Variants in PDK1 observed in about 807,000 individuals in gnomAD.
PDK1 encodes pyruvate dehydrogenase kinase 1, also known as [Pyruvate dehydrogenase (acetyl-transferring)] kinase isozyme 1, mitochondrial.
Under a neutral mutation model 54.2 loss-of-function variants are expected in PDK1, and 39 were observed. The observed-to-expected ratio is 0.72, with a 90% CI of 0.56 to 0.94. The LOEUF is 0.94. Ranked by LOEUF, PDK1 falls within the 40% of genes least tolerant of loss-of-function variation. The probability of loss-of-function intolerance (pLI) is 0.00; values close to 1 mark genes in which losing one functional copy is unlikely to be tolerated. For missense variants in PDK1, 552 were observed against 566.0 expected (o/e 0.98, Z 0.25); for synonymous variants, 221 against 207.1 (o/e 1.07, Z -0.58).
chr2:172,602,319 A>G lies in PDK1; in HGVS notation c.*6350A>G, dbSNP rs1235015526. 6.6e-6 allele frequency: 1 copy of G among 152,228 alleles called. No individual in the cohort carries two copies. The highest frequency in any genetic ancestry group is 2.4e-5 in the African/African-American group (1 of 41,454). The allele number at this position is 152,228 out of a possible 1,614,324, so 9.4% of individuals were successfully genotyped here. Reference sequence around the variant, plus strand: ...AAGGAGAATCTTTCCCAGGAACAGGAGGATGTTTTAATAAAAATATGTAAT... The same window carrying G: ...AAGGAGAATCTTTCCCAGGAACAGGGGGATGTTTTAATAAAAATATGTAAT... On this transcript the variant is annotated 3_prime_UTR_variant, in exon 11 of 11. Coordinates refer to ENST00000282077, the MANE Select transcript of PDK1 (RefSeq NM_002610.5).
the PDK1 span, among the ~76,000 whole-genome samples, chr2:172,613,997 A>G: frequency 1.3e-5 from 2 of 152,148 alleles, no homozygotes; most frequent in Non-Finnish European, 2.9e-5. Context: ...TGCCGCACCC[A>G]CAGCCGCAGA....
At chr2:172,586,180 T>G in intron 8 of PDK1, 98 bp from the exon 9 acceptor site, 2 of 576,514 alleles carry the variant, frequency 3.5e-6, no homozygotes, top group Non-Finnish European at 3.1e-6. Flanking sequence ...AAAAAAGCGC[T>G]CTCCCACCAG....
chr2:172,568,909 T>C (rs551594821), intron 7 of PDK1, 92 bp downstream of exon 7: 1 of 749,360 alleles, frequency 1.3e-6, no homozygotes, highest in South Asian at 1.5e-5. Context: ...GGTTCTCCTA[T>C]TAAGAAGTGC....
chr2:172,563,110 G>A, intron 3 of PDK1, among the ~76,000 whole-genome samples: 1 of 152,140 alleles, frequency 6.6e-6, no homozygotes, highest in East Asian at 1.9e-4. Context: ...TGCTGTTTGT[G>A]CACAAAGAGG....
chr2:172,616,681 TATATG>T, the PDK1 span, among the ~76,000 whole-genome samples: 2 of 152,298 alleles, frequency 1.3e-5, no homozygotes, highest in Non-Finnish European at 2.9e-5. Flanking sequence ...ATAATTTACT[TATATG>T]TGATGGGTTA....
intron 2 of PDK1, among the ~76,000 whole-genome samples, chr2:172,561,191 A>C (rs1458828484): frequency 2.0e-5 from 3 of 152,202 alleles, no homozygotes; most frequent in Non-Finnish European, 4.4e-5. Context: ...TTAGAAGTAG[A>C]ATATGCTGCT....
chr2:172,611,323 A>G (rs1691454452), downstream of PDK1, among the ~76,000 whole-genome samples: 1 of 152,220 alleles, frequency 6.6e-6, no homozygotes, highest in African/African-American at 2.4e-5. Flanking sequence ...AAAGTACCAG[A>G]AATCAACCAG....
rs1690876766 is a variant in PDK1, at chr2:172,596,100, A to G, written c.*131A>G. On this transcript the variant is annotated 3_prime_UTR_variant, in exon 11 of 11. Coordinates refer to ENST00000282077, the MANE Select transcript of PDK1 (RefSeq NM_002610.5). ...AAAACTATTTGAGTAGAATAAATGGAAACTGAATTCCATTTGTGCCCGTTA... is the reference window on the plus strand; with the variant it reads ...AAAACTATTTGAGTAGAATAAATGGGAACTGAATTCCATTTGTGCCCGTTA... 6.5e-6 allele frequency: 5 copies of G among 767,572 alleles called. No homozygotes were observed. Among genetic ancestry groups the G allele is most frequent in the Non-Finnish European group, 1.0e-5 (5 of 495,526 alleles). The allele number at this position is 767,572 out of a possible 1,614,324, so 47.5% of individuals were successfully genotyped here. A position where few individuals can be genotyped will look rare whatever the true frequency, so the allele number is the denominator to read the frequency against.
chr2:172,686,766 G>A, the PDK1 span, among the ~76,000 whole-genome samples: 5 of 152,226 alleles, frequency 3.3e-5, no homozygotes, highest in African/African-American at 4.8e-5. Flanking sequence ...TGAAGTCGGT[G>A]AGACCAGGAA....
At chr2:172,626,723 G>A in the PDK1 span, among the ~76,000 whole-genome samples, 1 of 151,858 alleles carries the variant, frequency 6.6e-6, no homozygotes, top group Non-Finnish European at 1.5e-5. Flanking sequence ...GAACCTGGCG[G>A]TTGAGGCTGC....
intron 8 of PDK1, among the ~76,000 whole-genome samples, chr2:172,583,536 C>G (rs116975897): frequency 6.6e-6 from 1 of 151,694 alleles, no homozygotes; most frequent in African/African-American, 2.4e-5. Context: ...TCAAGTGATT[C>G]GCCGGCCTTG....
chr2:172,675,837 T>C, the PDK1 span, among the ~76,000 whole-genome samples: 1 of 152,132 alleles, frequency 6.6e-6, no homozygotes, highest in Non-Finnish European at 1.5e-5. Context: ...CTTTCAGAAT[T>C]AGAGAGAAGA....
chr2:172,633,731 C>CTTAA, the PDK1 span, among the ~76,000 whole-genome samples: 1,723 of 150,732 alleles, frequency 0.011, 34 homozygotes, highest in African/African-American at 0.038. Context: ...TATGTATTAG[C>CTTAA]TTTATTTTAT....
the PDK1 span, among the ~76,000 whole-genome samples, chr2:172,622,716 A>G: frequency 1.7e-5 from 2 of 121,174 alleles, no homozygotes; most frequent in African/African-American, 5.6e-5. Context: ...ATATTATGTG[A>G]GATATGTTTA....
chr2:172,616,346 A>G, the PDK1 span, among the ~76,000 whole-genome samples: 43 of 152,362 alleles, frequency 2.8e-4, no homozygotes, highest in Non-Finnish European at 6.2e-4. Flanking sequence ...AAGTTTTGAT[A>G]TATTTATCCA....
At chr2:172,628,420 AATC>A in the PDK1 span, among the ~76,000 whole-genome samples, 2 of 152,162 alleles carry the variant, frequency 1.3e-5, no homozygotes, top group Non-Finnish European at 2.9e-5. Context: ...TATGGTGTAA[AATC>A]ATCACTCCTG....
At chr2:172,592,759 CAAGT>C (rs1690672710) in intron 9 of PDK1, among the ~76,000 whole-genome samples, 172 bp from the exon 10 acceptor site, 1 of 152,122 alleles carries the variant, frequency 6.6e-6, no homozygotes, top group African/African-American at 2.4e-5. Flanking sequence ...ATACAGTACT[CAAGT>C]AAACCTCAGC....
intron 9 of PDK1, among the ~76,000 whole-genome samples, chr2:172,588,510 AGTGT>A (rs1690385659): frequency 6.6e-6 from 1 of 152,354 alleles, no homozygotes; most frequent in Non-Finnish European, 1.5e-5. Flanking sequence ...ATGCCATGTA[AGTGT>A]GTGTTATTTT....
chr2:172,722,020 C>A, the PDK1 span, among the ~76,000 whole-genome samples: 1 of 152,228 alleles, frequency 6.6e-6, no homozygotes, highest in African/African-American at 2.4e-5. Flanking sequence ...TGTGTTCTAG[C>A]AAATATAAAA....
Sources: allele counts gnomAD v4.1 joint callset (sites outside exome capture counted in the v4.1 genomes callset), GRCh38; gene constraint gnomAD v4.1.1; transcripts MANE v1.5; gene names NCBI Gene and HGNC (gene_info 2026-07-23, HGNC 2026-07-21).